Variants in PELI2 observed in about 807,000 individuals in gnomAD.
The protein encoded by PELI2 is pellino E3 ubiquitin protein ligase family member 2.
PELI2 carries 23 observed loss-of-function variants against 42.3 expected under a neutral mutation model. The observed-to-expected ratio is 0.54, with a 90% confidence interval of 0.39 to 0.77. PELI2 has a LOEUF of 0.77. Among genes scored for constraint, PELI2 ranks in the 30% least tolerant of loss-of-function variants. PELI2 has a pLI of 0.00. For missense variants in PELI2, 463 were observed against 553.2 expected (o/e 0.84, Z 1.64); for synonymous variants, 245 against 212.2 (o/e 1.15, Z -1.34).
intron 1 of PELI2, among the ~76,000 whole-genome samples, chr14:56,139,480 C>A (rs181737145): frequency 3.0e-4 from 46 of 152,260 alleles, no homozygotes; most frequent in African/African-American, 1.1e-3. Context: ...GAACTGACTT[C>A]TTTCCCCCGT....
chr14:56,177,057 C>T (rs1885409586), intron 1 of PELI2, among the ~76,000 whole-genome samples: 1 of 152,180 alleles, frequency 6.6e-6, no homozygotes, highest in African/African-American at 2.4e-5. Flanking sequence ...AGGAATAAGA[C>T]TTGAAATAAA....
intron 2 of PELI2, among the ~76,000 whole-genome samples, chr14:56,205,539 TGTCG>T (rs1886487513): frequency 6.6e-6 from 1 of 152,128 alleles, no homozygotes; most frequent in Admixed American, 6.5e-5. Flanking sequence ...GTAATAAGGT[TGTCG>T]GGGCGTGGGG....
chr14:56,232,083 C>G (rs1887597417), intron 2 of PELI2, among the ~76,000 whole-genome samples: 1 of 152,130 alleles, frequency 6.6e-6, no homozygotes, highest in African/African-American at 2.4e-5. Flanking sequence ...CCTGGATAGA[C>G]AAATAGCAGG....
chr14:56,233,180 A>C (rs994836468), intron 2 of PELI2, among the ~76,000 whole-genome samples: 1 of 152,226 alleles, frequency 6.6e-6, no homozygotes, highest in Non-Finnish European at 1.5e-5. Flanking sequence ...CATACTGCCC[A>C]AGGTAATTTA....
intron 5 of PELI2, among the ~76,000 whole-genome samples, chr14:56,294,385 A>C (rs921391036): frequency 6.6e-6 from 1 of 152,178 alleles, no homozygotes; most frequent in Admixed American, 6.5e-5. Context: ...AGCTCATCGC[A>C]GGACAGTCCT....
At chr14:56,263,269 C>G (rs550887821) in intron 2 of PELI2, among the ~76,000 whole-genome samples, 128 of 152,148 alleles carry the variant, frequency 8.4e-4, no homozygotes, top group African/African-American at 3.0e-3. Context: ...CCTAGTGACC[C>G]AAGATTTCTT....
chr14:56,214,865 G>A (rs1276536783), intron 2 of PELI2, among the ~76,000 whole-genome samples: 1 of 152,212 alleles, frequency 6.6e-6, no homozygotes, highest in Non-Finnish European at 1.5e-5. Context: ...CGGGAGAAAT[G>A]ACCAAGGAGA....
intron 2 of PELI2, among the ~76,000 whole-genome samples, chr14:56,189,651 T>C (rs10146913): frequency 0.014 from 2,194 of 152,356 alleles, 24 homozygotes; most frequent in Middle Eastern, 0.061. Flanking sequence ...TGACCTGTTA[T>C]AAAAGTTATA....
At chr14:56,291,634 T>C (rs773738658) in intron 5 of PELI2, among the ~76,000 whole-genome samples, 2 of 152,212 alleles carry the variant, frequency 1.3e-5, no homozygotes. Flanking sequence ...CTGGATAGTT[T>C]TATACAAAAC....
intron 2 of PELI2, among the ~76,000 whole-genome samples, chr14:56,246,403 A>C (rs1007569744): frequency 6.6e-6 from 1 of 152,204 alleles, no homozygotes; most frequent in South Asian, 2.1e-4. Flanking sequence ...GTTAATAACT[A>C]CTTAAGCTGC....
intron 1 of PELI2, among the ~76,000 whole-genome samples, chr14:56,162,710 A>C (rs1400051334): frequency 6.6e-6 from 1 of 152,182 alleles, no homozygotes; most frequent in African/African-American, 2.4e-5. Context: ...TGGTTGTACT[A>C]ATTTACATTC....
chr14:56,295,580 G>A (rs1380150349), intron 5 of PELI2, among the ~76,000 whole-genome samples: 1 of 152,236 alleles, frequency 6.6e-6, no homozygotes, highest in African/African-American at 2.4e-5. Context: ...AGTAATAGTA[G>A]CAGGTATTTA....
intron 1 of PELI2, among the ~76,000 whole-genome samples, chr14:56,168,454 C>T (rs1175108393): frequency 6.6e-6 from 1 of 152,158 alleles, no homozygotes; most frequent in Non-Finnish European, 1.5e-5. Flanking sequence ...TAGCCACTGC[C>T]ACCCTAGGCC....
chr14:56,260,046 A>G (rs1003790599), intron 2 of PELI2, among the ~76,000 whole-genome samples: 18 of 152,104 alleles, frequency 1.2e-4, no homozygotes, highest in African/African-American at 3.4e-4. Flanking sequence ...TTAGATACCA[A>G]TTTTTCAAAA....
intron 3 of PELI2, among the ~76,000 whole-genome samples, chr14:56,283,644 A>G (rs747578512): frequency 2.6e-5 from 4 of 152,214 alleles, no homozygotes; most frequent in Non-Finnish European, 5.9e-5. Context: ...TTTGAAAGGA[A>G]AAGTAATGTA....
chr14:56,294,414 G>C (rs1310420908), intron 5 of PELI2, among the ~76,000 whole-genome samples: 1 of 152,198 alleles, frequency 6.6e-6, no homozygotes, highest in Non-Finnish European at 1.5e-5. Context: ...GTTAGGAAGG[G>C]AAGAGCTACA....
At chr14:56,220,267 A>G (rs117031893) in intron 2 of PELI2, among the ~76,000 whole-genome samples, 4,425 of 152,282 alleles carry the variant, frequency 0.029, 180 homozygotes, top group South Asian at 0.22. Context: ...TCCAAATCAG[A>G]TTATTTTCAT....
intron 2 of PELI2, among the ~76,000 whole-genome samples, chr14:56,223,794 A>C (rs558830847): frequency 6.6e-6 from 1 of 152,216 alleles, no homozygotes; most frequent in Non-Finnish European, 1.5e-5. Flanking sequence ...TTTTTCGTTC[A>C]TTTTTCTAAT....
chr14:56,227,133 G>C (rs11627782), intron 2 of PELI2, among the ~76,000 whole-genome samples: 60,938 of 152,164 alleles, frequency 0.4, 13,004 homozygotes, highest in South Asian at 0.53. Flanking sequence ...TCTTCCAGTT[G>C]CTCAACATTT....
Sources: allele counts gnomAD v4.1 joint callset (sites outside exome capture counted in the v4.1 genomes callset), GRCh38; gene constraint gnomAD v4.1.1; transcripts MANE v1.5; gene names NCBI Gene and HGNC (gene_info 2026-07-23, HGNC 2026-07-21).